Variants in XKR4 observed in about 807,000 individuals in gnomAD.
The protein encoded by XKR4 is XK-related protein 4.
XKR4 carries 12 observed loss-of-function variants against 53.9 expected under a neutral mutation model. That is an observed-to-expected ratio of 0.22 (90% CI 0.14 to 0.36). XKR4 has a LOEUF of 0.36. Ranked by LOEUF, XKR4 falls within the 10% of genes least tolerant of loss-of-function variation. XKR4 has a pLI of 1.00. For synonymous variants in XKR4, 354 were observed against 362.4 expected (o/e 0.98, Z 0.26); for missense variants, 799 against 859.5 (o/e 0.93, Z 0.88).
Position 55,466,698 on chromosome 8 carries a change from C to T in XKR4, c.1007-56583C>T, listed in dbSNP as rs577528176. Among the ~76,000 whole-genome samples, 5 of 152,092 alleles carry T rather than the reference C, an allele frequency of 3.3e-5. No homozygotes were observed. The South Asian group carries it at 1.0e-3, about 32-fold the overall frequency. On this transcript the variant is annotated intron_variant, in intron 2 of 2. Coordinates refer to ENST00000327381, the MANE Select transcript of XKR4 (RefSeq NM_052898.2). ...ATCTTACTATCCATATAATCAGTTG[C>T]CACTTTGGTTTAACTCTTTCCATGT... is the stretch of plus-strand genomic sequence containing the variant.
chr8:55,540,064 A>C lies in XKR4; in HGVS notation c.*15837A>C, dbSNP rs1408260763. 6.6e-6 allele frequency: 1 copy of C among 152,250 alleles called. No homozygotes were observed. Among genetic ancestry groups the C allele is most frequent in the Non-Finnish European group, 1.5e-5 (1 of 68,046 alleles). The allele number at this position is 152,250 out of a possible 1,614,324, so 9.4% of individuals were successfully genotyped here. On this transcript the variant is annotated 3_prime_UTR_variant, in exon 3 of 3. Coordinates refer to ENST00000327381, the MANE Select transcript of XKR4 (RefSeq NM_052898.2). ...GCTATACATCTCATCACTGGAAGAA[A>C]GGAGACTTCAGCCTCTTTTCAAGGC...
In XKR4 at chr8:55,535,221, T is replaced by TG. The variant is rs1007478494; in HGVS notation, c.*10994_*10995insG. ...CCACCATGTGACTTATTTTCTTTTTTTTTTTAATTTTATTATTATTATACT... is the reference window on the plus strand; with the variant it reads ...CCACCATGTGACTTATTTTCTTTTTTGTTTTTAATTTTATTATTATTATACT... On this transcript the variant is annotated 3_prime_UTR_variant, in exon 3 of 3. Transcript: ENST00000327381. 27 of 151,954 alleles carry TG rather than the reference T, an allele frequency of 1.8e-4. No homozygotes were observed. The highest frequency in any genetic ancestry group is 6.3e-4 in the African/African-American group (26 of 41,482). The allele number at this position is 151,954 out of a possible 1,614,324, so 9.4% of individuals were successfully genotyped here. A position where few individuals can be genotyped will look rare whatever the true frequency, so the allele number is the denominator to read the frequency against.
chr8:55,110,201 T>A (rs1356248656), intron 1 of XKR4, among the ~76,000 whole-genome samples: 1 of 152,204 alleles, frequency 6.6e-6, no homozygotes, highest in African/African-American at 2.4e-5. Flanking sequence ...GTAATTGTTG[T>A]TGGAATTTAG....
At chr8:55,209,561 G>T (rs1817698851) in intron 1 of XKR4, among the ~76,000 whole-genome samples, 2 of 152,178 alleles carry the variant, frequency 1.3e-5, no homozygotes, top group Admixed American at 1.3e-4. Context: ...ACTGGTGTTG[G>T]CAGAGTTCTT....
chr8:55,373,116 G>A (rs1303811926), intron 2 of XKR4, among the ~76,000 whole-genome samples: 1 of 152,176 alleles, frequency 6.6e-6, no homozygotes, highest in Admixed American at 6.5e-5. Context: ...TAACTCAGCT[G>A]TAGAAAAAGT....
At chr8:55,456,619 T>C (rs1805574163) in intron 2 of XKR4, among the ~76,000 whole-genome samples, 1 of 151,620 alleles carries the variant, frequency 6.6e-6, no homozygotes, top group Non-Finnish European at 1.5e-5. Context: ...AATTCCAGAG[T>C]TGAAAAGTAT....
At chr8:55,217,196 C>T (rs1364179648) in intron 1 of XKR4, among the ~76,000 whole-genome samples, 9 of 140,730 alleles carry the variant, frequency 6.4e-5, no homozygotes, top group African/African-American at 2.1e-4. Flanking sequence ...GAGCCAAGAT[C>T]GCGCCACTGC....
At chr8:55,462,580 A>C (rs1203234231) in intron 2 of XKR4, among the ~76,000 whole-genome samples, 1 of 152,170 alleles carries the variant, frequency 6.6e-6, no homozygotes, top group African/African-American at 2.4e-5. Flanking sequence ...CGAGCAAAAT[A>C]ACCAGCTAAC....
In XKR4 at chr8:55,466,511, G is replaced by T. The variant is rs573346507; in HGVS notation, c.1007-56770G>T. On this transcript the variant is annotated intron_variant, in intron 2 of 2. Transcript: ENST00000327381. Reference sequence around the variant, plus strand: ...GGAGTGGGGGGAGGGGGAAGGGATAGCATTAGGTGATATACCTAATGCTAA... The same window carrying T: ...GGAGTGGGGGGAGGGGGAAGGGATATCATTAGGTGATATACCTAATGCTAA... 1.7e-4 allele frequency among the ~76,000 whole-genome samples: 26 copies of T among 152,024 alleles called. 1 individual carries two copies. Among genetic ancestry groups the T allele is most frequent in the Admixed American group, 4.6e-4 (7 of 15,274 alleles).
rs1168014848 is a variant in XKR4, at chr8:55,187,305, CAAAAAAAAA to C, written c.806+84023_806+84031del. Among the ~76,000 whole-genome samples, 19 of 95,848 alleles carry C rather than the reference CAAAAAAAAA, an allele frequency of 2.0e-4. No homozygotes were observed. The South Asian group carries it at 6.3e-3, about 32-fold the overall frequency. 62.9% of individuals were successfully genotyped at this position (95,848 alleles called of 152,430 possible). Reference sequence around the variant, plus strand: ...GTGGGAAAATCTCTGTTTCCAGGACCAAAAAAAAAAAAAAAAAAAAGAAGAAGAATACCT... The same window carrying C: ...GTGGGAAAATCTCTGTTTCCAGGACCAAAAAAAAAAAGAAGAAGAATACCT... On this transcript the variant is annotated intron_variant, in intron 1 of 2. Transcript: ENST00000327381.
chr8:55,321,309 C>A (rs1043455468), intron 1 of XKR4, among the ~76,000 whole-genome samples: 35 of 152,212 alleles, frequency 2.3e-4, no homozygotes, highest in African/African-American at 8.4e-4. Context: ...TCCTTAATCA[C>A]CAGCTCCTCA....
intron 1 of XKR4, among the ~76,000 whole-genome samples, chr8:55,143,973 C>T (rs1434916278): frequency 6.6e-6 from 1 of 152,216 alleles, no homozygotes; most frequent in Non-Finnish European, 1.5e-5. Context: ...TCATTTACAA[C>T]AACTTGGCCC....
At chr8:55,347,204 C>G (rs951931428) in intron 1 of XKR4, among the ~76,000 whole-genome samples, 1 of 152,214 alleles carries the variant, frequency 6.6e-6, no homozygotes, top group Non-Finnish European at 1.5e-5. Context: ...TATTATGTTT[C>G]AGTCTGAACT....
chr8:55,463,724 G>T (rs140342296), intron 2 of XKR4, among the ~76,000 whole-genome samples: 1 of 151,776 alleles, frequency 6.6e-6, no homozygotes, highest in Admixed American at 6.6e-5. Context: ...TTGATAGACC[G>T]CTAGCAAGAC....
rs551750628 is a variant in XKR4 at position 55,466,452 on chromosome 8, A to T, written c.1007-56829A>T. Among the ~76,000 whole-genome samples, 322 of 152,086 alleles carry T rather than the reference A, an allele frequency of 2.1e-3. 3 individuals are homozygous for T. Among genetic ancestry groups the T allele is most frequent in the African/African-American group, 7.2e-3 (299 of 41,402 alleles). On this transcript the variant is annotated intron_variant, in intron 2 of 2. Coordinates refer to ENST00000327381, the MANE Select transcript of XKR4 (RefSeq NM_052898.2). ...TTGAACAATGAGAACACATGGACACAGGAAGGTGAACATCTCACACCGGGG... is the reference window on the plus strand; with the variant it reads ...TTGAACAATGAGAACACATGGACACTGGAAGGTGAACATCTCACACCGGGG...
At chr8:55,274,343 T>A (rs939500887) in intron 1 of XKR4, among the ~76,000 whole-genome samples, 1 of 152,200 alleles carries the variant, frequency 6.6e-6, no homozygotes, top group South Asian at 2.1e-4. Flanking sequence ...GCCTCTCTCC[T>A]TAGCTTGCAG....
intron 1 of XKR4, among the ~76,000 whole-genome samples, chr8:55,126,146 G>A (rs1269384852): frequency 6.6e-6 from 1 of 152,098 alleles, no homozygotes; most frequent in Non-Finnish European, 1.5e-5. Context: ...AGTGAGGGAG[G>A]AGGAAAGAAA....
intron 2 of XKR4, among the ~76,000 whole-genome samples, chr8:55,387,040 CTT>C (rs1404005704): frequency 2.0e-5 from 3 of 152,218 alleles, no homozygotes; most frequent in South Asian, 2.1e-4. Flanking sequence ...GCTGGGCTCT[CTT>C]TGTCTCTTTC....
intron 2 of XKR4, among the ~76,000 whole-genome samples, chr8:55,394,004 C>A (rs887698632): frequency 6.6e-6 from 1 of 152,108 alleles, no homozygotes; most frequent in African/African-American, 2.4e-5. Flanking sequence ...TGAAAGCAGA[C>A]CCTGACCATG....
Sources: allele counts gnomAD v4.1 joint callset (sites outside exome capture counted in the v4.1 genomes callset), GRCh38; gene constraint gnomAD v4.1.1; transcripts MANE v1.5; gene names NCBI Gene and HGNC (gene_info 2026-07-23, HGNC 2026-07-21).